Variants in RBMS3 observed in about 807,000 individuals in gnomAD.
The protein encoded by RBMS3 is RNA-binding motif, single-stranded-interacting protein 3.
A neutral mutation model predicts 66.8 loss-of-function variants in RBMS3; 27 were observed. That is an observed-to-expected ratio of 0.40 (90% confidence interval 0.30 to 0.56). The LOEUF is 0.56. Among genes scored for constraint, RBMS3 ranks in the 20% least tolerant of loss-of-function variants. RBMS3 has a pLI of 0.40. For missense variants in RBMS3, 513 were observed against 549.5 expected (o/e 0.93, Z 0.66); for synonymous variants, 188 against 183.0 (o/e 1.03, Z -0.22).
At chr3:29,708,114 T>C (rs1054342183) in intron 4 of RBMS3, among the ~76,000 whole-genome samples, 2 of 152,200 alleles carry the variant, frequency 1.3e-5, no homozygotes, top group African/African-American at 4.8e-5. Flanking sequence ...GACAGCGATA[T>C]ATGCTACTTT....
intron 1 of RBMS3, among the ~76,000 whole-genome samples, chr3:29,427,070 C>G (rs1348470608): frequency 6.6e-6 from 1 of 152,198 alleles, no homozygotes; most frequent in East Asian, 1.9e-4. Context: ...CAGCTATTAC[C>G]TAGGCCAGTT....
In RBMS3 at chr3:29,620,403, A is replaced by G. The variant is rs4398390; in HGVS notation, c.399+33198A>G. On this transcript the variant is annotated intron_variant, in intron 4 of 14. Transcript: ENST00000383767. The stretch of plus-strand genomic sequence containing the variant: ...CTTTAGCCCCTGATTTCTCTTTCAT[A>G]TATTGAAGTTTAAGCTTATATCTCA... Among the ~76,000 whole-genome samples the G allele has an allele frequency of 3.9e-3, 596 of 152,156 alleles. 7 individuals are homozygous for G. Among genetic ancestry groups the G allele is most frequent in the African/African-American group, 0.014 (568 of 41,526 alleles).
chr3:29,965,716 A>G (rs1696794270), intron 12 of RBMS3, among the ~76,000 whole-genome samples: 1 of 152,052 alleles, frequency 6.6e-6, no homozygotes, highest in Admixed American at 6.6e-5. Flanking sequence ...TTTCTGTACA[A>G]AAGCATCTTA....
intron 4 of RBMS3, among the ~76,000 whole-genome samples, chr3:29,679,577 G>A (rs973640281): frequency 2.6e-5 from 4 of 151,930 alleles, no homozygotes; most frequent in African/African-American, 7.3e-5. Context: ...TAAAAAGTAT[G>A]GAATCACAGG....
At chr3:29,488,599 A>G in intron 3 of RBMS3, 100 bp downstream of exon 3, 1 of 1,034,742 alleles carries the variant, frequency 9.7e-7, no homozygotes, top group Non-Finnish European at 1.4e-6. Flanking sequence ...CAATGATCAC[A>G]ATGCATAGTA....
At chr3:29,478,190 T>C (rs1450074149) in intron 2 of RBMS3, among the ~76,000 whole-genome samples, 23 of 152,186 alleles carry the variant, frequency 1.5e-4, no homozygotes, top group Admixed American at 1.5e-3. Flanking sequence ...GAACTGTGCT[T>C]GCAGATACAG....
chr3:29,867,304 T>C (rs1033301316), intron 6 of RBMS3, among the ~76,000 whole-genome samples: 1 of 151,822 alleles, frequency 6.6e-6, no homozygotes, highest in African/African-American at 2.4e-5. Context: ...AAGACAATAA[T>C]GCCACATATC....
At chr3:29,728,579 C>T (rs1378435869) in intron 4 of RBMS3, among the ~76,000 whole-genome samples, 1 of 152,144 alleles carries the variant, frequency 6.6e-6, no homozygotes, top group Non-Finnish European at 1.5e-5. Flanking sequence ...GGTTCCTTCT[C>T]CAGCTAACAT....
At chr3:29,550,903 A>G (rs534296102) in intron 3 of RBMS3, among the ~76,000 whole-genome samples, 10 of 152,220 alleles carry the variant, frequency 6.6e-5, no homozygotes, top group African/African-American at 1.7e-4. Flanking sequence ...AACTGGTCAC[A>G]TGGCCTAAGT....
intron 3 of RBMS3, among the ~76,000 whole-genome samples, chr3:29,580,939 T>C (rs1223155335): frequency 6.6e-6 from 1 of 152,196 alleles, no homozygotes; most frequent in Non-Finnish European, 1.5e-5. Flanking sequence ...CAACCCTCCC[T>C]GTTCAGGCAG....
intron 6 of RBMS3, among the ~76,000 whole-genome samples, chr3:29,784,727 G>T (rs1383818189): frequency 6.6e-6 from 1 of 151,742 alleles, no homozygotes; most frequent in Non-Finnish European, 1.5e-5. Context: ...AATATAAAAA[G>T]ATAAATAAAA....
intron 3 of RBMS3, among the ~76,000 whole-genome samples, chr3:29,582,315 T>A (rs2047361312): frequency 6.6e-6 from 1 of 152,204 alleles, no homozygotes; most frequent in African/African-American, 2.4e-5. Flanking sequence ...ATTGATTATA[T>A]CTGCCAATGG....
chr3:29,907,760 T>C (rs966495766), intron 10 of RBMS3, among the ~76,000 whole-genome samples: 1 of 152,066 alleles, frequency 6.6e-6, no homozygotes, highest in Non-Finnish European at 1.5e-5. Context: ...AATTCCTTTT[T>C]CTCTAATTGC....
At chr3:29,336,356 G>A (rs1007481985) in intron 1 of RBMS3, among the ~76,000 whole-genome samples, 1 of 151,936 alleles carries the variant, frequency 6.6e-6, no homozygotes, top group Admixed American at 6.6e-5. Flanking sequence ...CTTAACATGA[G>A]TCAGCTTTTC....
rs554827943 is a variant in RBMS3, at chr3:29,979,044, A to G, written c.1099-9099A>G. 7.2e-5 allele frequency among the ~76,000 whole-genome samples: 11 copies of G among 152,218 alleles called. No individual in the cohort carries two copies. In the East Asian group the frequency reaches 1.2e-3, roughly 16 times the overall value. ...CTACTTGGGAGGGTGAGGCGGGAGG[A>G]TCACTTGAGCCCAGGAGTTTGAGGT... On this transcript the variant is annotated intron_variant, in intron 12 of 14. Transcript: ENST00000383767.
intron 1 of RBMS3, among the ~76,000 whole-genome samples, chr3:29,319,273 A>G (rs1332457265): frequency 6.6e-6 from 1 of 151,956 alleles, no homozygotes; most frequent in Non-Finnish European, 1.5e-5. Flanking sequence ...CGTTCAGTGC[A>G]TTTCTATGGG....
intron 3 of RBMS3, among the ~76,000 whole-genome samples, chr3:29,561,019 C>G (rs1382943424): frequency 1.3e-5 from 2 of 152,158 alleles, no homozygotes; most frequent in African/African-American, 4.8e-5. Flanking sequence ...TGCTAGTTTG[C>G]TGAGGATAAT....
chr3:29,872,437 G>GA (rs1313480473), intron 7 of RBMS3, among the ~76,000 whole-genome samples: 4 of 151,934 alleles, frequency 2.6e-5, no homozygotes, highest in African/African-American at 9.7e-5. Flanking sequence ...AACATGTAGA[G>GA]AAAAATCTAC....
At chr3:29,917,608 ATG>A (rs140834830) in intron 10 of RBMS3, among the ~76,000 whole-genome samples, 8 of 151,502 alleles carry the variant, frequency 5.3e-5, no homozygotes, top group South Asian at 2.1e-4. Flanking sequence ...AATCTCATGC[ATG>A]TGTGTGTGTG....
Sources: gnomAD v4.1 joint callset for allele counts (sites outside exome capture counted in the v4.1 genomes callset) on GRCh38, gnomAD v4.1.1 for gene constraint, MANE v1.5 for transcripts, NCBI Gene and HGNC (gene_info 2026-07-23, HGNC 2026-07-21) for gene names.